Variants in LRRC56 observed in about 807,000 individuals in gnomAD.
The protein encoded by LRRC56 is leucine-rich repeat-containing protein 56.
Under a neutral mutation model 47.8 loss-of-function variants are expected in LRRC56, and 41 were observed. The observed-to-expected ratio is 0.86, with a 90% confidence interval of 0.67 to 1.11. The LOEUF (loss-of-function observed/expected upper bound fraction) is 1.11. Ranked by LOEUF, LRRC56 falls within the 50% of genes most tolerant of loss-of-function variation. The pLI is 0.00. For missense variants in LRRC56, 759 were observed against 704.2 expected (o/e 1.08, Z -0.88); for synonymous variants, 387 against 311.2 (o/e 1.24, Z -2.56).
the LRRC56 span, among the ~76,000 whole-genome samples, chr11:530,642 CGAGTGTGGCGTCCCCTGGACAGAAGGGG>C: frequency 1.6e-4 from 7 of 43,806 alleles, no homozygotes; most frequent in South Asian, 1.1e-3. Context: ...GAGAGAAGGG[CGAGTGTGGCGTCCCCTGGACAGAAGGGG>C]GAGTGTGGCG....
the LRRC56 span, among the ~76,000 whole-genome samples, chr11:514,280 C>G: frequency 6.6e-6 from 1 of 151,704 alleles, no homozygotes; most frequent in Non-Finnish European, 1.5e-5. Context: ...AGGTGTGAGC[C>G]ACCACCCCCA....
the LRRC56 span, among the ~76,000 whole-genome samples, chr11:515,596 G>A: frequency 1.4e-3 from 207 of 152,302 alleles, no homozygotes; most frequent in African/African-American, 4.8e-3. Context: ...CTGGCACTTT[G>A]AGAGGCCAAG....
intron 5 of LRRC56, among the ~76,000 whole-genome samples, chr11:542,580 C>CAAAAAAAAAAAAAAAACAAA (rs1851848627): frequency 3.8e-5 from 1 of 26,010 alleles, no homozygotes; most frequent in Non-Finnish European, 6.4e-5. Context: ...AACCCTGTCG[C>CAAAAAAAAAAAAAAAACAAA]AAAAAAAAAA....
At chr11:551,032 C>A (rs1304672158) in intron 8 of LRRC56, 99 bp from the exon 9 acceptor site, 1 of 703,952 alleles carries the variant, frequency 1.4e-6, no homozygotes, top group Middle Eastern at 4.2e-4. Flanking sequence ...CCTGCCCTGC[C>A]CCACGGTGGG....
intron 6 of LRRC56, among the ~76,000 whole-genome samples, chr11:548,818 A>G (rs1374295881): frequency 6.6e-6 from 1 of 152,196 alleles, no homozygotes; most frequent in African/African-American, 2.4e-5. Flanking sequence ...CACAGTGGAC[A>G]CTGGAACGAA....
the LRRC56 span, among the ~76,000 whole-genome samples, chr11:513,653 T>G: frequency 6.6e-6 from 1 of 152,042 alleles, no homozygotes; most frequent in Non-Finnish European, 1.5e-5. Flanking sequence ...CGGAGAAATC[T>G]TTTGTGAAAG....
chr11:551,848 C>T (rs147555402), intron 10 of LRRC56, 21 bp downstream of exon 10: 35 of 1,608,770 alleles, frequency 2.2e-5, no homozygotes, highest in African/African-American at 4.0e-5. Context: ...TGCCTCAAAG[C>T]TGACCCTGCA....
chr11:512,051 C>T, the LRRC56 span, among the ~76,000 whole-genome samples: 1 of 150,566 alleles, frequency 6.6e-6, no homozygotes, highest in Admixed American at 6.6e-5. Context: ...TCAAGTGATT[C>T]TTCCGCCTCA....
At chr11:519,108 G>T in the LRRC56 span, among the ~76,000 whole-genome samples, 1 of 151,730 alleles carries the variant, frequency 6.6e-6, no homozygotes, top group African/African-American at 2.4e-5. Context: ...CTTTTCTCAG[G>T]TAAGAACTAC....
the LRRC56 span, among the ~76,000 whole-genome samples, chr11:520,383 C>G: frequency 6.6e-6 from 1 of 151,928 alleles, no homozygotes; most frequent in Non-Finnish European, 1.5e-5. Context: ...TGCAATGGTG[C>G]GATCTCGGCT....
chr11:546,987 G>T (rs1057263979), intron 6 of LRRC56, among the ~76,000 whole-genome samples: 1 of 152,108 alleles, frequency 6.6e-6, no homozygotes, highest in African/African-American at 2.4e-5. Context: ...AACCCAGGAG[G>T]CGGAGGTTGC....
At chr11:549,445 G>A (rs560696159) in intron 6 of LRRC56, among the ~76,000 whole-genome samples, 8 of 152,286 alleles carry the variant, frequency 5.3e-5, no homozygotes, top group African/African-American at 1.7e-4. Flanking sequence ...CCAGCAGCTG[G>A]TCCCCACAAA....
chr11:551,335 G>A (rs751145269), intron 9 of LRRC56, 33 bp downstream of exon 9: 4 of 1,450,046 alleles, frequency 2.8e-6, no homozygotes, highest in South Asian at 1.4e-5. Flanking sequence ...ACCCACTGCT[G>A]AGCCCCAGCT....
the LRRC56 span, chr11:528,641 C>T: frequency 9.8e-5 from 15 of 152,342 alleles, no homozygotes; most frequent in African/African-American, 3.4e-4. Flanking sequence ...GGTGCCTCCG[C>T]GGGTGCTCTG....
At chr11:533,274 T>TAA (rs765876501), upstream of LRRC56, 1 of 1,583,654 alleles carries the variant, frequency 6.3e-7, no homozygotes, top group Non-Finnish European at 8.5e-7. Flanking sequence ...CCGGGAGACT[T>TAA]ACAGCGCGAG....
At chr11:512,434 C>T in the LRRC56 span, among the ~76,000 whole-genome samples, 2 of 152,192 alleles carry the variant, frequency 1.3e-5, no homozygotes, top group South Asian at 2.1e-4. Context: ...GAGGTTTCAC[C>T]GTGGTGGCCA....
Position 551,707 on chromosome 11 carries a change from A to T in LRRC56, c.853A>T (p.Thr285Ser). ...RLDPELSLPE[T>S]QSRASRPWPF... is the part of the protein sequence containing the mutation. The stretch of plus-strand genomic sequence containing the variant: ...TGACCCCGAGCTGTCCCTGCCTGAG[A>T]CGCAGTCCCGGGCCTCCAGGCCCTG... The change falls in exon 10 of 14, where the codon ACG becomes TCG. Residue 285 changes from threonine (T) to serine (S), a missense_variant. Thr to Ser is a moderately conservative substitution (Grantham distance 58, BLOSUM62 1). Transcript: ENST00000270115. 6.2e-7 allele frequency: 1 copy of T among 1,610,860 alleles called. No homozygotes were observed. Among genetic ancestry groups the T allele is most frequent in the Non-Finnish European group, 8.5e-7 (1 of 1,178,992 alleles).
In LRRC56 at chr11:554,847, C is replaced by T. The variant is rs1296157969; in HGVS notation, c.*571C>T. 1.6e-6 allele frequency: 1 copy of T among 644,558 alleles called. No individual in the cohort carries two copies. The allele number at this position is 644,558 out of a possible 1,614,324, so 39.9% of individuals were successfully genotyped here. A position where few individuals can be genotyped will look rare whatever the true frequency, so the allele number is the denominator to read the frequency against. On this transcript the variant is annotated 3_prime_UTR_variant, in exon 14 of 14. Coordinates refer to ENST00000270115, the MANE Select transcript of LRRC56 (RefSeq NM_198075.4). Reference sequence around the variant, plus strand: ...CCGGAACCCAAACCAACATTTCCAGCTCTCAGGTGTACAGAAATGCGGTTT... The same window carrying T: ...CCGGAACCCAAACCAACATTTCCAGTTCTCAGGTGTACAGAAATGCGGTTT...
the LRRC56 span, among the ~76,000 whole-genome samples, chr11:531,920 G>A: frequency 2.6e-5 from 4 of 152,226 alleles, no homozygotes; most frequent in African/African-American, 7.2e-5. Flanking sequence ...GCTCCCAGCA[G>A]AGACCAGAGC....
Sources: gnomAD v4.1 joint callset for allele counts (sites outside exome capture counted in the v4.1 genomes callset) on GRCh38, gnomAD v4.1.1 for gene constraint, MANE v1.5 for transcripts, NCBI Gene and HGNC (gene_info 2026-07-23, HGNC 2026-07-21) for gene names.